REST: variants seen among roughly 807,000 people sequenced by gnomAD.
REST encodes the protein RE1 silencing transcription factor, also known as RE1-silencing transcription factor.
A neutral mutation model predicts 30.4 loss-of-function variants in REST; 1 was observed. The observed-to-expected ratio is 0.03, with a 90% CI of 0.01 to 0.16. REST has a LOEUF of 0.16. Ranked by LOEUF, REST falls within the 10% of genes least tolerant of loss-of-function variation. The pLI is 1.00. For missense variants in REST, 1,259 were observed against 1,329.5 expected, an observed-to-expected ratio of 0.95 and a Z score of 0.82; for synonymous variants, 504 against 451.1, an observed-to-expected ratio of 1.12 and a Z score of -1.49.
In REST at chr4:56,932,008, C is replaced by A. The variant is rs3796528; in HGVS notation, c.3150C>A (p.Ala1050=). Residue 1050 remains alanine (A), a synonymous_variant, in exon 4 of 4, where the codon GCC becomes GCA. Transcript: ENST00000309042. ...CTAGCAGAAAAAATGCAAAGGAAGC[C>A]TTGGCAGTCAAAGCGGCTAAGGGAG... ...QESSRKNAKE[A]LAVKAAKGDF... 2 of 1,614,090 alleles carry A rather than the reference C, an allele frequency of 1.2e-6. No homozygotes were observed. The highest frequency in any genetic ancestry group is 3.3e-5 in the Admixed American group (2 of 59,998).
intron 3 of REST, chr4:56,927,792 C>T (rs904510861): frequency 1.4e-5 from 3 of 207,820 alleles, no homozygotes; most frequent in East Asian, 3.2e-4. Flanking sequence ...TGCCACTTCT[C>T]ATTACCTAGT....
At position 56,932,301 on chromosome 4, in the gene REST, G is replaced by A; in HGVS notation, c.*149G>A. The A allele has an allele frequency of 1.2e-6, 1 of 814,508 alleles. No homozygotes were observed. Among genetic ancestry groups the A allele is most frequent in the South Asian group, 1.9e-5 (1 of 52,446 alleles). 50.5% of individuals were successfully genotyped at this position (814,508 alleles called of 1,614,324 possible). On this transcript the variant is annotated 3_prime_UTR_variant, in exon 4 of 4. Coordinates refer to ENST00000309042, the MANE Select transcript of REST (RefSeq NM_005612.5). ...CATTCTTTTCCTTAGGACTTTTTAT[G>A]TATACCTGTTGATTGTTGTGTAAAT... is the stretch of plus-strand genomic sequence containing the variant.
intron 3 of REST, 122 bp downstream of exon 3, chr4:56,919,992 A>C: frequency 2.2e-6 from 1 of 450,678 alleles, no homozygotes; most frequent in Non-Finnish European, 3.8e-6. Flanking sequence ...TAGAAGTCAG[A>C]ATTTAAAAAT....
rs900428571 is a variant in REST at position 56,907,957 on chromosome 4, C to G, written c.-266C>G. 7 of 342,314 alleles carry G rather than the reference C, an allele frequency of 2.0e-5. No homozygotes were observed. Among genetic ancestry groups the G allele is most frequent in the African/African-American group, 1.5e-4 (7 of 46,110 alleles). 21.2% of individuals were successfully genotyped at this position (342,314 alleles called of 1,614,324 possible). On this transcript the variant is annotated 5_prime_UTR_variant, in exon 1 of 4. Coordinates refer to ENST00000309042, the MANE Select transcript of REST (RefSeq NM_005612.5). ...CGGCTGCCGCGAGCTCGCGGCGCAG[C>G]AGCGGAGCGAGCGCCGCCGAGGCCC...
At chr4:56,918,076 TTTG>T (rs956577098) in intron 2 of REST, among the ~76,000 whole-genome samples, 7 of 151,394 alleles carry the variant, frequency 4.6e-5, no homozygotes, top group Non-Finnish European at 1.0e-4. Flanking sequence ...AAAGGCTTGT[TTTG>T]TTGTTGACAG....
rs144758522 is a variant in REST at position 56,918,775 on chromosome 4, A to G, written c.899-1012A>G. ...GCCTCATCCTTCTTGGGCTCAAGCA[A>G]TCCTCCCATCTCAGCCTCCCAAGTA... On this transcript the variant is annotated intron_variant, in intron 2 of 3. Coordinates refer to ENST00000309042, the MANE Select transcript of REST (RefSeq NM_005612.5). 9.2e-5 allele frequency among the ~76,000 whole-genome samples: 14 copies of G among 152,060 alleles called. No individual in the cohort carries two copies. The East Asian group carries it at 1.6e-3, about 17-fold the overall frequency.
intron 2 of REST, 117 bp from the exon 3 acceptor site, chr4:56,919,670 G>GA (rs546152856): frequency 4.9e-4 from 238 of 489,092 alleles, no homozygotes; most frequent in South Asian, 7.9e-4. Flanking sequence ...CCAGAAATAG[G>GA]AAAAAAAAAT....
In REST at chr4:56,933,298, A is replaced by AT. The variant is rs1721039673; in HGVS notation, c.*1147dup. On this transcript the variant is annotated 3_prime_UTR_variant, in exon 4 of 4. Coordinates refer to ENST00000309042, the MANE Select transcript of REST (RefSeq NM_005612.5). ...TTTCTCATAGATGGTTGGTGTTCATATGGCTACTTTACAATAAAGAGAACT... is the reference window on the plus strand; with the variant it reads ...TTTCTCATAGATGGTTGGTGTTCATATTGGCTACTTTACAATAAAGAGAACT... The AT allele has an allele frequency of 6.6e-6, 1 of 152,174 alleles. No individual in the cohort carries two copies. Among genetic ancestry groups the AT allele is most frequent in the Non-Finnish European group, 1.5e-5 (1 of 68,042 alleles). The allele number at this position is 152,174 out of a possible 1,614,324, so 9.4% of individuals were successfully genotyped here. A position where few individuals can be genotyped will look rare whatever the true frequency, so the allele number is the denominator to read the frequency against.
rs778468524 is a variant in REST at position 56,931,844 on chromosome 4, A to G, written c.2986A>G (p.Thr996Ala). The change falls in exon 4 of 4, where the codon ACA becomes GCA. Residue 996 changes from threonine to alanine, a missense_variant. Thr to Ala is a moderately conservative substitution (Grantham distance 58). This residue lies in a region of REST where 856 missense variants were observed against 772.8 expected (regional missense o/e 1.11). Coordinates refer to ENST00000309042, the MANE Select transcript of REST (RefSeq NM_005612.5). ...AACTGCACTGGCATCACCTCCTGCT[A>G]CAATGGCAGCAAATGAGTCTCAGGA... is the stretch of plus-strand genomic sequence containing the variant. The part of the protein sequence containing the change: ...SKTALASPPA[T>A]MAANESQEID... 8 of 1,614,244 alleles carry G rather than the reference A, an allele frequency of 5.0e-6. No individual in the cohort carries two copies. The Admixed American group carries it at 6.7e-5, about 13-fold the overall frequency.
At chr4:56,927,771 A>T (rs6838886) in intron 3 of REST, 5 of 291,920 alleles carry the variant, frequency 1.7e-5, no homozygotes, top group Non-Finnish European at 2.5e-5. Context: ...TACATACCAT[A>T]TCTATTTGTG....
chr4:56,927,979 T>C (rs1720787433), intron 3 of REST, among the ~76,000 whole-genome samples: 2 of 152,248 alleles, frequency 1.3e-5, no homozygotes, highest in African/African-American at 4.8e-5. Context: ...AAAAAGCCTT[T>C]GCTCAGACTA....
intron 3 of REST, among the ~76,000 whole-genome samples, chr4:56,922,087 T>C (rs1003375648): frequency 6.6e-6 from 1 of 152,086 alleles, no homozygotes; most frequent in African/African-American, 2.4e-5. Flanking sequence ...TAATGTACTT[T>C]GAGTGTTTTT....
rs560666918 is a variant in REST at position 56,929,427 on chromosome 4, A to G, written c.983-414A>G. 4.6e-5 allele frequency among the ~76,000 whole-genome samples: 7 copies of G among 152,324 alleles called. No homozygotes were observed. In the South Asian group the frequency reaches 1.5e-3, roughly 32 times the overall value. ...CATGGCCTCCCAGAGAGTTGAGGTT[A>G]TAGTTGTGAGCCACTGCACCTGGCC... On this transcript the variant is annotated intron_variant, in intron 3 of 3. Transcript: ENST00000309042.
Position 56,929,863 on chromosome 4 carries a change from T to A in REST, c.1005T>A (p.Asp335Glu). 1 of 1,608,916 alleles carries A rather than the reference T, an allele frequency of 6.2e-7. No individual in the cohort carries two copies. Among genetic ancestry groups the A allele is most frequent in the Non-Finnish European group, 8.5e-7 (1 of 1,177,970 alleles). The change falls in exon 4 of 4, where the codon GAT becomes GAA. Residue 335 changes from aspartate to glutamate, a missense_variant. Coordinates refer to ENST00000309042, the MANE Select transcript of REST (RefSeq NM_005612.5). ...CAGGTGAGAAGCCATTTAAATGTGA[T>A]CAGTGCAGTTATGTGGCCTCTAATC... is the stretch of plus-strand genomic sequence containing the variant. Reference protein sequence around the residue: ...THSGEKPFKCDQCSYVASNQH... With the variant: ...THSGEKPFKCEQCSYVASNQH...
At position 56,911,245 on chromosome 4, in the gene REST, T is replaced by C; in HGVS notation, c.607T>C (p.Ser203Pro). ...GCAGGCAAAAGCCAGGGAATCTGGC[T>C]CTTCCACTGCAGAAGAGGGAGATTT... ...EKQAKARESG[S>P]STAEEGDFSK... Residue 203 changes from serine to proline, a missense_variant, in exon 2 of 4, where the codon TCT (serine) becomes CCT (proline). By Grantham distance (74) the Ser-to-Pro change is moderately conservative (BLOSUM62 -1). Around this residue, in one of 5 missense-constraint regions of REST, gnomAD observed 249 missense variants for 251.5 expected, o/e 0.99. Coordinates refer to ENST00000309042, the MANE Select transcript of REST (RefSeq NM_005612.5). 3.1e-6 allele frequency: 5 copies of C among 1,614,148 alleles called. No homozygotes were observed. Among genetic ancestry groups the C allele is most frequent in the Non-Finnish European group, 4.2e-6 (5 of 1,180,022 alleles).
intron 2 of REST, among the ~76,000 whole-genome samples, chr4:56,915,459 A>G (rs1304504895): frequency 1.3e-5 from 2 of 151,906 alleles, no homozygotes; most frequent in East Asian, 3.9e-4. Flanking sequence ...CATGTTGGCC[A>G]GGCTGGTCTC....
In REST at chr4:56,913,877, T is replaced by C. The variant is rs569894207; in HGVS notation, c.898+2341T>C. 1.2e-4 allele frequency among the ~76,000 whole-genome samples: 18 copies of C among 152,298 alleles called. No homozygotes were observed. In the South Asian group the frequency reaches 2.9e-3, roughly 25 times the overall value. ...GTTGGCCAGGCTAGTCTCGAACTCC[T>C]GACCTCGTGATCTGCCTCGGCCTCC... On this transcript the variant is annotated intron_variant, in intron 2 of 3. Transcript: ENST00000309042.
intron 3 of REST, among the ~76,000 whole-genome samples, chr4:56,926,069 C>G (rs1372821109): frequency 1.3e-5 from 2 of 152,046 alleles, no homozygotes; most frequent in African/African-American, 2.4e-5. Context: ...CTTGATTGAT[C>G]GATTGATTGA....
Position 56,931,829 on chromosome 4 carries a change from G to T in REST, c.2971G>T (p.Ala991Ser), listed in dbSNP as rs1720988374. The change falls in exon 4 of 4, where the codon GCA becomes TCA. Residue 991 changes from alanine to serine, a missense_variant. By Grantham distance (99) the Ala-to-Ser change is moderately conservative. Around this residue, in one of 5 missense-constraint regions of REST, gnomAD observed 856 missense variants for 772.8 expected, o/e 1.11. Transcript: ENST00000309042. ...EREAVSKTAL[A>S]SPPATMAANE... ...TGAAGCAGTGTCCAAAACTGCACTGGCATCACCTCCTGCTACAATGGCAGC... is the reference window on the plus strand; with the variant it reads ...TGAAGCAGTGTCCAAAACTGCACTGTCATCACCTCCTGCTACAATGGCAGC... 3 of 1,614,196 alleles carry T rather than the reference G, an allele frequency of 1.9e-6. No homozygotes were observed. Among genetic ancestry groups the T allele is most frequent in the Middle Eastern group, 1.6e-4 (1 of 6,062 alleles).
Sources: gnomAD v4.1 joint callset for allele counts (sites outside exome capture counted in the v4.1 genomes callset) on GRCh38, gnomAD v4.1.1 for gene constraint, gnomAD v4.1.1 regional missense constraint, MANE v1.5 for transcripts, NCBI Gene and HGNC (gene_info 2026-07-23, HGNC 2026-07-21) for gene names.